AFG1L: variants seen among roughly 807,000 people sequenced by gnomAD.
AFG1L encodes AFG1 like ATPase, also known as AFG1-like ATPase.
In AFG1L, 53 loss-of-function variants were observed where a neutral mutation model predicts 62.2. The ratio of observed to expected loss-of-function variants is 0.85; its 90% CI spans 0.68 to 1.07. AFG1L has a LOEUF of 1.07. Ranked by LOEUF, AFG1L falls within the 50% of genes least tolerant of loss-of-function variation. The pLI is 0.00. For missense variants in AFG1L, 555 were observed against 590.5 expected, an observed-to-expected ratio of 0.94 and a Z score of 0.62; for synonymous variants, 228 against 210.3, an observed-to-expected ratio of 1.08 and a Z score of -0.73.
At chr6:108,328,831 G>A (rs1778160781) in intron 2 of AFG1L, among the ~76,000 whole-genome samples, 1 of 152,052 alleles carries the variant, frequency 6.6e-6, no homozygotes, top group Admixed American at 6.6e-5. Flanking sequence ...TCTTCTTAGG[G>A]GTATTTTCCC....
intron 6 of AFG1L, among the ~76,000 whole-genome samples, chr6:108,393,689 G>T (rs1582504512): frequency 1.3e-5 from 2 of 152,092 alleles, no homozygotes; most frequent in East Asian, 1.9e-4. Flanking sequence ...CCATAAAAAA[G>T]ATGTTATTCT....
intron 5 of AFG1L, among the ~76,000 whole-genome samples, chr6:108,361,442 C>A (rs543470583): frequency 6.6e-6 from 1 of 152,298 alleles, no homozygotes; most frequent in East Asian, 1.9e-4. Flanking sequence ...AATGAAGAGT[C>A]AGGCAGAGAG....
At chr6:108,387,135 G>GAT (rs1214159596) in intron 6 of AFG1L, among the ~76,000 whole-genome samples, 1 of 152,154 alleles carries the variant, frequency 6.6e-6, no homozygotes, top group Non-Finnish European at 1.5e-5. Context: ...TATGCAAAAA[G>GAT]ATATAGCATC....
intron 8 of AFG1L, among the ~76,000 whole-genome samples, chr6:108,470,787 A>T (rs1335847605): frequency 1.3e-5 from 2 of 152,160 alleles, no homozygotes; most frequent in African/African-American, 2.4e-5. Context: ...ATTAAATATT[A>T]TCTGTTTGCC....
chr6:108,340,585 G>A (rs747434518), intron 2 of AFG1L, among the ~76,000 whole-genome samples: 4 of 152,056 alleles, frequency 2.6e-5, no homozygotes, highest in East Asian at 3.9e-4. Flanking sequence ...GGCTGGTCTC[G>A]AACTCCTGAC....
chr6:108,420,022 C>T (rs1009534499), intron 7 of AFG1L, among the ~76,000 whole-genome samples: 2 of 152,020 alleles, frequency 1.3e-5, no homozygotes, highest in African/African-American at 4.8e-5. Flanking sequence ...ATTGATTTGT[C>T]AGTTTGTTCA....
At chr6:108,519,228 A>G (rs1034763534) in intron 11 of AFG1L, among the ~76,000 whole-genome samples, 2 of 152,218 alleles carry the variant, frequency 1.3e-5, no homozygotes, top group African/African-American at 4.8e-5. Flanking sequence ...CAAATCCTGT[A>G]TAAAGGCACC....
At chr6:108,347,328 A>G (rs1256358226) in intron 3 of AFG1L, among the ~76,000 whole-genome samples, 1 of 152,228 alleles carries the variant, frequency 6.6e-6, no homozygotes, top group Non-Finnish European at 1.5e-5. Context: ...AACTACAGAT[A>G]GGTTATTAGA....
intron 1 of AFG1L, among the ~76,000 whole-genome samples, chr6:108,307,281 G>A (rs993664389): frequency 6.6e-6 from 1 of 152,018 alleles, no homozygotes; most frequent in Non-Finnish European, 1.5e-5. Flanking sequence ...CAAAGTGCTA[G>A]GATTACGGGC....
chr6:108,481,090 C>T (rs1169598977), intron 10 of AFG1L, among the ~76,000 whole-genome samples: 1 of 152,222 alleles, frequency 6.6e-6, no homozygotes, highest in Admixed American at 6.5e-5. Context: ...CTTAGGCAGC[C>T]TCATCCCTTT....
chr6:108,484,625 A>C (rs1773450187), intron 10 of AFG1L, among the ~76,000 whole-genome samples: 1 of 152,214 alleles, frequency 6.6e-6, no homozygotes, highest in African/African-American at 2.4e-5. Flanking sequence ...AATATAGGAC[A>C]TGTTCAGATA....
intron 8 of AFG1L, among the ~76,000 whole-genome samples, chr6:108,472,716 G>A (rs577373828): frequency 3.5e-4 from 51 of 144,916 alleles, no homozygotes; most frequent in Admixed American, 6.3e-4. Context: ...ATCTCGCTCC[G>A]TCGCCCAGGC....
chr6:108,422,552 G>A (rs541450300), intron 7 of AFG1L, among the ~76,000 whole-genome samples: 78 of 138,918 alleles, frequency 5.6e-4, no homozygotes, highest in African/African-American at 2.0e-3. Context: ...ATTTTGTTGG[G>A]GGAAGGAGGT....
intron 7 of AFG1L, among the ~76,000 whole-genome samples, chr6:108,415,264 A>G (rs548973885): frequency 6.6e-6 from 1 of 152,348 alleles, no homozygotes; most frequent in East Asian, 1.9e-4. Flanking sequence ...GCTCAACTAA[A>G]TAAAAGAGGA....
chr6:108,313,906 A>G (rs1423456319), intron 1 of AFG1L, among the ~76,000 whole-genome samples: 1 of 152,178 alleles, frequency 6.6e-6, no homozygotes, highest in Non-Finnish European at 1.5e-5. Flanking sequence ...AAAAAAATAC[A>G]TAGTAGTTTT....
rs12528977 is a variant in AFG1L, at chr6:108,344,182, G to C, written c.364-2806G>C. On this transcript the variant is annotated intron_variant, in intron 2 of 12. Coordinates refer to ENST00000368977, the MANE Select transcript of AFG1L (RefSeq NM_145315.5). ...AGGCTGGGTGCAGTGGTGTGATCTCGGCTCACTGCAACCTCCGCCTCCTGG... is the reference window on the plus strand; with the variant it reads ...AGGCTGGGTGCAGTGGTGTGATCTCCGCTCACTGCAACCTCCGCCTCCTGG... Among the ~76,000 whole-genome samples, 1,511 of 151,646 alleles carry C rather than the reference G, an allele frequency of 1.0e-2. 33 individuals carry two copies. Among genetic ancestry groups the C allele is most frequent in the Middle Eastern group, 0.055 (16 of 292 alleles).
intron 6 of AFG1L, among the ~76,000 whole-genome samples, chr6:108,393,110 C>T (rs557645213): frequency 6.6e-6 from 1 of 152,156 alleles, no homozygotes; most frequent in African/African-American, 2.4e-5. Flanking sequence ...ACCAAGTGCT[C>T]ATTTCACTCT....
At chr6:108,513,421 T>G (rs901221868) in intron 11 of AFG1L, among the ~76,000 whole-genome samples, 1 of 152,204 alleles carries the variant, frequency 6.6e-6, no homozygotes, top group Non-Finnish European at 1.5e-5. Flanking sequence ...ACCCTAATAC[T>G]GCGCTTTTCC....
intron 6 of AFG1L, among the ~76,000 whole-genome samples, chr6:108,398,948 A>G (rs1372474271): frequency 2.0e-5 from 3 of 152,166 alleles, no homozygotes; most frequent in Non-Finnish European, 2.9e-5. Context: ...CTGATTCCAT[A>G]TAAATTTTAG....
Sources: gnomAD v4.1 joint callset for allele counts (sites outside exome capture counted in the v4.1 genomes callset) on GRCh38, gnomAD v4.1.1 for gene constraint, MANE v1.5 for transcripts, NCBI Gene and HGNC (gene_info 2026-07-23, HGNC 2026-07-21) for gene names.